The following PBX2 variants were observed in gnomAD, a reference collection of about 807,000 sequenced individuals.
PBX2 encodes the protein pre-B-cell leukemia transcription factor 2.
A neutral mutation model predicts 46.5 loss-of-function variants in PBX2; 10 were observed. The observed-to-expected ratio is 0.21, with a 90% CI of 0.13 to 0.36. The LOEUF (loss-of-function observed/expected upper bound fraction) is 0.36. PBX2 is among the 10% of genes least tolerant of loss of function. The pLI is 1.00. For missense variants in PBX2, 392 were observed against 580.5 expected (o/e 0.68, Z 3.34); for synonymous variants, 160 against 222.5 (o/e 0.72, Z 2.50).
At position 32,189,113 on chromosome 6, in the gene PBX2, C is replaced by G. The variant is rs2127448942; in HGVS notation, c.222-317G>C. 2.1e-6 allele frequency: 1 copy of G among 476,966 alleles called. No homozygotes were observed. The highest frequency in any genetic ancestry group is 3.5e-5 in the East Asian group (1 of 28,678). The allele number at this position is 476,966 out of a possible 1,614,324, so 29.5% of individuals were successfully genotyped here. Reference sequence around the variant, plus strand: ...GAAAGGAAAGTGACTTGGTAGGTTTCAGAGGGAGAGAGACAGAGGCTGGGG... The same window carrying G: ...GAAAGGAAAGTGACTTGGTAGGTTTGAGAGGGAGAGAGACAGAGGCTGGGG... On this transcript the variant is annotated intron_variant, in intron 1 of 8. Coordinates refer to ENST00000375050, the MANE Select transcript of PBX2 (RefSeq NM_002586.5). The surrounding 1 kb of genome is among the most constrained non-coding windows in gnomAD (Gnocchi z 4.7).
At position 32,187,671 on chromosome 6, in the gene PBX2, C is replaced by T. The variant is rs2395100; in HGVS notation, c.846G>A (p.Lys282=). ...CCTGAGACACGGTGATGCCACACTTCTTGGCAAGCTCCTCCTTGGCCTCCT... is the reference window on the plus strand; with the variant it reads ...CCTGAGACACGGTGATGCCACACTTTTTGGCAAGCTCCTCCTTGGCCTCCT... ...PSEEAKEELA[K]KCGITVSQVS... is the part of the protein sequence containing the mutation. The change falls in exon 5 of 9, where the codon AAG becomes AAA. Residue 282 remains lysine (K), a synonymous_variant. Coordinates refer to ENST00000375050, the MANE Select transcript of PBX2 (RefSeq NM_002586.5). The surrounding 1 kb of genome is among the most constrained non-coding windows in gnomAD (Gnocchi z 7.7). 1.3e-6 allele frequency: 2 copies of T among 1,599,998 alleles called. No individual in the cohort carries two copies. Among genetic ancestry groups the T allele is most frequent in the Admixed American group, 1.7e-5 (1 of 57,172 alleles).
chr6:32,187,134 C>T lies in PBX2; in HGVS notation c.1024+108G>A, dbSNP rs888103618. The T allele has an allele frequency of 1.1e-5, 16 of 1,401,074 alleles. No homozygotes were observed. The Admixed American group carries it at 2.2e-4, about 19-fold the overall frequency. The allele number at this position is 1,401,074 out of a possible 1,614,324, so 86.8% of individuals were successfully genotyped here. ...TCTCCAGCCTATCTCAGCTCGGTCC[C>T]TCTCACCCCAAAAGGCCCCCTCTCT... On this transcript the variant is annotated intron_variant, in intron 6 of 8. Transcript: ENST00000375050. This position sits in a 1 kb window ranked among gnomAD's most constrained non-coding sequence, Gnocchi z 7.7.
rs768877641 is a variant in PBX2 at position 32,189,677 on chromosome 6, C to T, written c.221+18G>A. ...GGTTTGCTGGGTCTGTGTGGGGTCCCGGAGTGGGGGCACTCACTTGGCCTG... is the reference window on the plus strand; with the variant it reads ...GGTTTGCTGGGTCTGTGTGGGGTCCTGGAGTGGGGGCACTCACTTGGCCTG... On this transcript the variant is annotated intron_variant, in intron 1 of 8. Coordinates refer to ENST00000375050, the MANE Select transcript of PBX2 (RefSeq NM_002586.5). The surrounding 1 kb of genome is among the most constrained non-coding windows in gnomAD (Gnocchi z 4.7). The T allele has an allele frequency of 3.1e-6, 5 of 1,588,468 alleles. No homozygotes were observed. Among genetic ancestry groups the T allele is most frequent in the East Asian group, 4.6e-5 (2 of 43,538 alleles).
chr6:32,188,241 AG>A lies in PBX2; in HGVS notation c.543+15del, dbSNP rs759492305. On this transcript the variant is annotated intron_variant, in intron 3 of 8. Transcript: ENST00000375050. This position sits in a 1 kb window ranked among gnomAD's most constrained non-coding sequence, Gnocchi z 6.5. ...AAGAGCCCTTCCCTCCACCCACCCAAGCCTCCTCTCCTTACCTGCTCATACT... is the reference window on the plus strand; with the variant it reads ...AAGAGCCCTTCCCTCCACCCACCCAACCTCCTCTCCTTACCTGCTCATACT... 6.2e-7 allele frequency: 1 copy of A among 1,611,096 alleles called. No individual in the cohort carries two copies. Among genetic ancestry groups the A allele is most frequent in the East Asian group, 2.2e-5 (1 of 44,798 alleles).
At position 32,188,399 on chromosome 6, in the gene PBX2, C is replaced by T. The variant is rs1476427605; in HGVS notation, c.401G>A (p.Gly134Asp). The T allele has an allele frequency of 6.2e-7, 1 of 1,614,016 alleles. No homozygotes were observed. The highest frequency in any genetic ancestry group is 8.5e-7 in the Non-Finnish European group (1 of 1,180,040). The stretch of plus-strand genomic sequence containing the variant: ...GGCTGCAGCTGCTGCTGCTGAGCCG[C>T]CCCCTTTCTCGGGCCCAGCCACACC... ...AEGVAGPEKG[G>D]GSAAAAAAAA... Residue 134 changes from glycine to aspartate, a missense_variant, in exon 3 of 9, where the codon GGC becomes GAC. By Grantham distance (94) the Gly-to-Asp change is moderately conservative. Coordinates refer to ENST00000375050, the MANE Select transcript of PBX2 (RefSeq NM_002586.5). This position sits in a 1 kb window ranked among gnomAD's most constrained non-coding sequence, Gnocchi z 6.5.
chr6:32,186,497 G>C lies in PBX2; in HGVS notation c.1201-23C>G. 1 of 1,607,118 alleles carries C rather than the reference G, an allele frequency of 6.2e-7. No individual in the cohort carries two copies. The highest frequency in any genetic ancestry group is 8.5e-7 in the Non-Finnish European group (1 of 1,173,936). On this transcript the variant is annotated intron_variant, in intron 8 of 8. Transcript: ENST00000375050. The surrounding 1 kb of genome is among the most constrained non-coding windows in gnomAD (Gnocchi z 4.2). The stretch of plus-strand genomic sequence containing the variant: ...TGCCTGAAAGGAGAGACAGAGTACA[G>C]AAAACAGAGAAAGCCCTGGGAACCC...
Position 32,189,885 on chromosome 6 carries a change from G to A in PBX2, c.31C>T (p.Pro11Ser), listed in dbSNP as rs758561457. 1.4e-5 allele frequency: 20 copies of A among 1,446,182 alleles called. No individual in the cohort carries two copies. The African/African-American group carries it at 2.7e-4, about 19-fold the overall frequency. The allele number at this position is 1,446,182 out of a possible 1,614,324, so 89.6% of individuals were successfully genotyped here. A position where few individuals can be genotyped will look rare whatever the true frequency, so the allele number is the denominator to read the frequency against. ...CCCAGGCCCCCCCGGCCCCCGCCTGGAGGGGGCGGCCCCAGTAGCCGTTCG... is the reference window on the plus strand; with the variant it reads ...CCCAGGCCCCCCCGGCCCCCGCCTGAAGGGGGCGGCCCCAGTAGCCGTTCG... MDERLLGPPP[P>S]GGGRGGLGLV... Residue 11 changes from proline to serine, a missense_variant, in exon 1 of 9, where the codon CCA becomes TCA. Coordinates refer to ENST00000375050, the MANE Select transcript of PBX2 (RefSeq NM_002586.5). This position sits in a 1 kb window ranked among gnomAD's most constrained non-coding sequence, Gnocchi z 4.7.
chr6:32,186,765 G>T lies in PBX2; in HGVS notation c.1113+48C>A. ...AGAGGTCTTGTATCCTAAAGTAGAG[G>T]AAATGGAGTTGGGGAAAGCCCTATT... On this transcript the variant is annotated intron_variant, in intron 7 of 8. Transcript: ENST00000375050. The surrounding 1 kb of genome is among the most constrained non-coding windows in gnomAD (Gnocchi z 4.2). 1 of 1,598,774 alleles carries T rather than the reference G, an allele frequency of 6.3e-7. No homozygotes were observed. The highest frequency in any genetic ancestry group is 8.6e-7 in the Non-Finnish European group (1 of 1,166,042).
In PBX2 at chr6:32,185,984, G is replaced by A. The variant is rs1415050425; in HGVS notation, c.*398C>T. On this transcript the variant is annotated 3_prime_UTR_variant, in exon 9 of 9. Coordinates refer to ENST00000375050, the MANE Select transcript of PBX2 (RefSeq NM_002586.5). ...TTCCAGAGCATACAAGTGGGGTGGG[G>A]AAGGGAAAGTGGGGGAGCCCAGGAG... 4 of 198,768 alleles carry A rather than the reference G, an allele frequency of 2.0e-5. No homozygotes were observed. The highest frequency in any genetic ancestry group is 4.2e-5 in the Non-Finnish European group (4 of 96,138). 12.3% of individuals were successfully genotyped at this position (198,768 alleles called of 1,614,324 possible). A position where few individuals can be genotyped will look rare whatever the true frequency, so the allele number is the denominator to read the frequency against.
chr6:32,188,215 C>A lies in PBX2; in HGVS notation c.543+42G>T. 1 of 1,606,160 alleles carries A rather than the reference C, an allele frequency of 6.2e-7. No homozygotes were observed. The stretch of plus-strand genomic sequence containing the variant: ...GCCCTTTGACCATGGGATTCCCCTG[C>A]AAGAGCCCTTCCCTCCACCCACCCA... On this transcript the variant is annotated intron_variant, in intron 3 of 8. Coordinates refer to ENST00000375050, the MANE Select transcript of PBX2 (RefSeq NM_002586.5). This position sits in a 1 kb window ranked among gnomAD's most constrained non-coding sequence, Gnocchi z 6.5.
At position 32,188,665 on chromosome 6, in the gene PBX2, C is replaced by T. The variant is rs1418976853; in HGVS notation, c.295+58G>A. On this transcript the variant is annotated intron_variant, in intron 2 of 8. Coordinates refer to ENST00000375050, the MANE Select transcript of PBX2 (RefSeq NM_002586.5). The surrounding 1 kb of genome is among the most constrained non-coding windows in gnomAD (Gnocchi z 6.5). ...GGGCCCCAAGTTGTCACACTCTAGCCCTATAATGAACAGGGTTCTGTTCCC... is the reference window on the plus strand; with the variant it reads ...GGGCCCCAAGTTGTCACACTCTAGCTCTATAATGAACAGGGTTCTGTTCCC... 5.0e-6 allele frequency: 8 copies of T among 1,593,608 alleles called. No homozygotes were observed. The highest frequency in any genetic ancestry group is 6.9e-6 in the Non-Finnish European group (8 of 1,162,766).
In PBX2 at chr6:32,187,408, A is replaced by G. The variant is rs1249437309; in HGVS notation, c.871-13T>C. On this transcript the variant is annotated splice_polypyrimidine_tract_variant and intron_variant, in intron 5 of 8. Transcript: ENST00000375050. This position sits in a 1 kb window ranked among gnomAD's most constrained non-coding sequence, Gnocchi z 7.7. ...ACCAGTTGGAGACCTGTGGGGCAGA[A>G]AGGAGGGTCAGGTAGAAACATTTGC... 6 of 1,612,050 alleles carry G rather than the reference A, an allele frequency of 3.7e-6. No individual in the cohort carries two copies. The highest frequency in any genetic ancestry group is 5.1e-6 in the Non-Finnish European group (6 of 1,179,300).
rs771802055 is a variant in PBX2, at chr6:32,187,803, C to A, written c.735-21G>T. 6.3e-5 allele frequency: 101 copies of A among 1,611,074 alleles called. 1 individual carries two copies. In the South Asian group the frequency reaches 7.6e-4, roughly 12 times the overall value. On this transcript the variant is annotated intron_variant, in intron 4 of 8. Coordinates refer to ENST00000375050, the MANE Select transcript of PBX2 (RefSeq NM_002586.5). The surrounding 1 kb of genome is among the most constrained non-coding windows in gnomAD (Gnocchi z 7.7). ...TTCGTCTACAGAGGAGGGAGAAGAG[C>A]AGTGAGGAGGATGTTGATGTCCTGG...
In PBX2 at chr6:32,189,134, T is replaced by G; in HGVS notation, c.222-338A>C. 1 of 423,190 alleles carries G rather than the reference T, an allele frequency of 2.4e-6. No individual in the cohort carries two copies. Among genetic ancestry groups the G allele is most frequent in the East Asian group, 4.2e-5 (1 of 23,860 alleles). 26.2% of individuals were successfully genotyped at this position (423,190 alleles called of 1,614,324 possible). On this transcript the variant is annotated intron_variant, in intron 1 of 8. Transcript: ENST00000375050. The surrounding 1 kb of genome is among the most constrained non-coding windows in gnomAD (Gnocchi z 4.7). ...GTTTCAGAGGGAGAGAGACAGAGGC[T>G]GGGGTTGAGAAGAGTCAGAGTTTGA... is the stretch of plus-strand genomic sequence containing the variant.
Position 32,186,230 on chromosome 6 carries a change from C to T in PBX2, c.*152G>A. The T allele has an allele frequency of 1.6e-6, 1 of 627,334 alleles. No individual in the cohort carries two copies. The highest frequency in any genetic ancestry group is 2.7e-5 in the East Asian group (1 of 36,366). The allele number at this position is 627,334 out of a possible 1,614,324, so 38.9% of individuals were successfully genotyped here. A position where few individuals can be genotyped will look rare whatever the true frequency, so the allele number is the denominator to read the frequency against. Reference sequence around the variant, plus strand: ...TCTTCCTGCCATGTAATTAGCACCCCCAGCACAGAGAGTCTCGTTAGGGAG... The same window carrying T: ...TCTTCCTGCCATGTAATTAGCACCCTCAGCACAGAGAGTCTCGTTAGGGAG... On this transcript the variant is annotated 3_prime_UTR_variant, in exon 9 of 9. Coordinates refer to ENST00000375050, the MANE Select transcript of PBX2 (RefSeq NM_002586.5). The surrounding 1 kb of genome is among the most constrained non-coding windows in gnomAD (Gnocchi z 4.2).
chr6:32,186,321 C>A lies in PBX2; in HGVS notation c.*61G>T. On this transcript the variant is annotated 3_prime_UTR_variant, in exon 9 of 9. Transcript: ENST00000375050. The surrounding 1 kb of genome is among the most constrained non-coding windows in gnomAD (Gnocchi z 4.2). ...TGTATTGGGGTTTGTCCTCTGGAAG[C>A]CTGCGTCCTCTTCAAGTCGCCTTGT... The A allele has an allele frequency of 8.3e-7, 1 of 1,207,860 alleles. No individual in the cohort carries two copies. Among genetic ancestry groups the A allele is most frequent in the Non-Finnish European group, 1.2e-6 (1 of 821,974 alleles). The allele number at this position is 1,207,860 out of a possible 1,614,324, so 74.8% of individuals were successfully genotyped here.
chr6:32,189,999 G>C lies in PBX2; in HGVS notation c.-84C>G. 1 of 601,542 alleles carries C rather than the reference G, an allele frequency of 1.7e-6. No homozygotes were observed. Among genetic ancestry groups the C allele is most frequent in the Non-Finnish European group, 2.7e-6 (1 of 374,330 alleles). The allele number at this position is 601,542 out of a possible 1,614,324, so 37.3% of individuals were successfully genotyped here. A position where few individuals can be genotyped will look rare whatever the true frequency, so the allele number is the denominator to read the frequency against. ...TTCTCCCCCCAAACTCGCTGGGGCCGCTGCTCCCTCCGCCCCAACCCCCGC... is the reference window on the plus strand; with the variant it reads ...TTCTCCCCCCAAACTCGCTGGGGCCCCTGCTCCCTCCGCCCCAACCCCCGC... On this transcript the variant is annotated 5_prime_UTR_variant, in exon 1 of 9. Coordinates refer to ENST00000375050, the MANE Select transcript of PBX2 (RefSeq NM_002586.5). The surrounding 1 kb of genome is among the most constrained non-coding windows in gnomAD (Gnocchi z 4.7).
rs1787304835 is a variant in PBX2 at position 32,189,523 on chromosome 6, T to G, written c.221+172A>C. Among the ~76,000 whole-genome samples the G allele has an allele frequency of 2.0e-5, 3 of 147,636 alleles. No homozygotes were observed. The highest frequency in any genetic ancestry group is 3.0e-5 in the Non-Finnish European group (2 of 66,800). ...CTGTGAAGGTTTCAGGGCCTGGGGGTGAAGGGAGGTTTGAGAGGGATCACT... is the reference window on the plus strand; with the variant it reads ...CTGTGAAGGTTTCAGGGCCTGGGGGGGAAGGGAGGTTTGAGAGGGATCACT... On this transcript the variant is annotated intron_variant, in intron 1 of 8. Transcript: ENST00000375050. This position sits in a 1 kb window ranked among gnomAD's most constrained non-coding sequence, Gnocchi z 4.7.
Position 32,190,023 on chromosome 6 carries a change from G to A in PBX2, c.-108C>T, listed in dbSNP as rs1787366201. On this transcript the variant is annotated 5_prime_UTR_variant, in exon 1 of 9. Coordinates refer to ENST00000375050, the MANE Select transcript of PBX2 (RefSeq NM_002586.5). The stretch of plus-strand genomic sequence containing the variant: ...CGCTGCTCCCTCCGCCCCAACCCCC[G>A]CCCGTCTGCCCCCGGCTCCCGGCTC... The A allele has an allele frequency of 3.9e-6, 2 of 512,736 alleles. No individual in the cohort carries two copies. The highest frequency in any genetic ancestry group is 3.6e-5 in the East Asian group (1 of 27,784). 31.8% of individuals were successfully genotyped at this position (512,736 alleles called of 1,614,324 possible). A position where few individuals can be genotyped will look rare whatever the true frequency, so the allele number is the denominator to read the frequency against.
Sources: allele counts gnomAD v4.1 joint callset (sites outside exome capture counted in the v4.1 genomes callset), GRCh38; gene constraint gnomAD v4.1.1; non-coding constraint Gnocchi (gnomAD v3.1); transcripts MANE v1.5; gene names NCBI Gene and HGNC (gene_info 2026-07-23, HGNC 2026-07-21).